TMEM220: variants seen among roughly 807,000 people sequenced by gnomAD.
TMEM220 encodes transmembrane protein 220.
TMEM220 carries 21 observed loss-of-function variants against 21.7 expected under a neutral mutation model. The observed-to-expected ratio is 0.97, with a 90% confidence interval of 0.69 to 1.39. The LOEUF is 1.39. Ranked by LOEUF, TMEM220 falls within the 40% of genes most tolerant of loss-of-function variation. The pLI, the probability that TMEM220 is intolerant of heterozygous loss-of-function variation, is 0.00. For missense variants in TMEM220, 191 were observed against 201.9 expected, an observed-to-expected ratio of 0.95 and a Z score of 0.33; for synonymous variants, 80 against 73.6, an observed-to-expected ratio of 1.09 and a Z score of -0.45.
chr17:10,717,388 T>A (rs571981604), intron 5 of TMEM220, among the ~76,000 whole-genome samples: 1 of 152,372 alleles, frequency 6.6e-6, no homozygotes, highest in South Asian at 2.1e-4. Context: ...AAATGGATGC[T>A]GAATTTTATG....
chr17:10,725,923 T>C (rs1351453166), intron 3 of TMEM220, among the ~76,000 whole-genome samples: 1 of 152,172 alleles, frequency 6.6e-6, no homozygotes, highest in African/African-American at 2.4e-5. Context: ...CTAAGGCCCC[T>C]GAGAACATTC....
intron 4 of TMEM220, among the ~76,000 whole-genome samples, chr17:10,724,077 C>T (rs918552982): frequency 6.6e-6 from 1 of 152,104 alleles, no homozygotes; most frequent in African/African-American, 2.4e-5. Context: ...CAAAGAAACA[C>T]CTTTTCAGTG....
At chr17:10,723,407 C>T in intron 4 of TMEM220, 78 bp from the exon 5 acceptor site, 1 of 1,010,632 alleles carries the variant, frequency 9.9e-7, no homozygotes, top group Non-Finnish European at 1.6e-6. Context: ...TCCATGACCA[C>T]CTGATAGCGC....
In TMEM220 at chr17:10,729,995, G is replaced by C; in HGVS notation, c.-144C>G. 9.3e-7 allele frequency: 1 copy of C among 1,079,728 alleles called. No individual in the cohort carries two copies. Among genetic ancestry groups the C allele is most frequent in the Non-Finnish European group, 1.1e-6 (1 of 919,470 alleles). The allele number at this position is 1,079,728 out of a possible 1,614,324, so 66.9% of individuals were successfully genotyped here. On this transcript the variant is annotated 5_prime_UTR_variant, in exon 1 of 6. Coordinates refer to ENST00000341871, the MANE Select transcript of TMEM220 (RefSeq NM_001004313.3). Reference sequence around the variant, plus strand: ...GTGCCTTGGGGACACTGCCGTGGCCGTCGCTCCGCCCGGGGGCGGGGAGCG... The same window carrying C: ...GTGCCTTGGGGACACTGCCGTGGCCCTCGCTCCGCCCGGGGGCGGGGAGCG...
intron 5 of TMEM220, 108 bp downstream of exon 5, chr17:10,723,162 G>A: frequency 1.1e-6 from 1 of 939,104 alleles, no homozygotes; most frequent in Non-Finnish European, 1.7e-6. Flanking sequence ...CTGTATTTTA[G>A]TAGAGACAGG....
chr17:10,724,992 G>A lies in TMEM220; in HGVS notation c.287+19C>T. 1 of 1,613,914 alleles carries A rather than the reference G, an allele frequency of 6.2e-7. No homozygotes were observed. The highest frequency in any genetic ancestry group is 8.5e-7 in the Non-Finnish European group (1 of 1,179,920). On this transcript the variant is annotated intron_variant, in intron 4 of 5. Coordinates refer to ENST00000341871, the MANE Select transcript of TMEM220 (RefSeq NM_001004313.3). Reference sequence around the variant, plus strand: ...ATCCCACAGTTCTATCCCTCCACAGGGTAACCGTCACCGCTCACCTGCCTT... The same window carrying A: ...ATCCCACAGTTCTATCCCTCCACAGAGTAACCGTCACCGCTCACCTGCCTT...
At chr17:10,722,601 C>A (rs2075005653) in intron 5 of TMEM220, among the ~76,000 whole-genome samples, 1 of 152,166 alleles carries the variant, frequency 6.6e-6, no homozygotes, top group African/African-American at 2.4e-5. Context: ...GCTTAAACTC[C>A]ATTTACTCTT....
At chr17:10,718,955 CT>C (rs1299751513) in intron 5 of TMEM220, among the ~76,000 whole-genome samples, 2 of 152,060 alleles carry the variant, frequency 1.3e-5, no homozygotes, top group East Asian at 1.9e-4. Context: ...TGTTATTTTT[CT>C]TTTTTGTGTT....
intron 2 of TMEM220, among the ~76,000 whole-genome samples, chr17:10,727,992 C>T (rs1200582499): frequency 1.3e-5 from 2 of 152,050 alleles, no homozygotes; most frequent in Non-Finnish European, 2.9e-5. Context: ...GAAACCCTGT[C>T]TCTACTAAAA....
intron 5 of TMEM220, among the ~76,000 whole-genome samples, chr17:10,721,604 CAAAA>C (rs1194075248): frequency 2.8e-5 from 1 of 35,834 alleles, no homozygotes; most frequent in African/African-American, 1.4e-4. Flanking sequence ...GACTCTGTCT[CAAAA>C]AAAAAAAAAA....
At position 10,716,048 on chromosome 17, in the gene TMEM220, C is replaced by G. The variant is rs557931957; in HGVS notation, c.348-460G>C. 2.8e-4 allele frequency: 175 copies of G among 633,804 alleles called. No homozygotes were observed. In the East Asian group the frequency reaches 4.7e-3, roughly 17 times the overall value. 39.3% of individuals were successfully genotyped at this position (633,804 alleles called of 1,614,324 possible). On this transcript the variant is annotated intron_variant, in intron 5 of 5. Coordinates refer to ENST00000341871, the MANE Select transcript of TMEM220 (RefSeq NM_001004313.3). ...GGTAATTAAAAACTACTCCCACCCC[C>G]CCATGTCCACATCAATATTCAGTTT...
chr17:10,721,724 T>A (rs539736472), intron 5 of TMEM220, among the ~76,000 whole-genome samples: 1 of 152,022 alleles, frequency 6.6e-6, no homozygotes, highest in East Asian at 1.9e-4. Context: ...AACTGGGTGA[T>A]GAGTATATCT....
In TMEM220 at chr17:10,715,290, C is replaced by G. The variant is rs1273879709; in HGVS notation, c.*163G>C. ...AAATATCAGACCATCTCTTACTTGT[C>G]CCATCCAATCTTACATCGAATTATA... On this transcript the variant is annotated 3_prime_UTR_variant, in exon 6 of 6. Coordinates refer to ENST00000341871, the MANE Select transcript of TMEM220 (RefSeq NM_001004313.3). 7.0e-6 allele frequency: 4 copies of G among 571,194 alleles called. No homozygotes were observed. Among genetic ancestry groups the G allele is most frequent in the Non-Finnish European group, 1.2e-5 (4 of 338,434 alleles). The allele number at this position is 571,194 out of a possible 1,614,324, so 35.4% of individuals were successfully genotyped here. A position where few individuals can be genotyped will look rare whatever the true frequency, so the allele number is the denominator to read the frequency against.
At chr17:10,722,901 T>A (rs1483219372) in intron 5 of TMEM220, among the ~76,000 whole-genome samples, 1 of 152,174 alleles carries the variant, frequency 6.6e-6, no homozygotes, top group East Asian at 1.9e-4. Flanking sequence ...AAGGGAAGAT[T>A]TCTTTCAAAA....
intron 4 of TMEM220, among the ~76,000 whole-genome samples, chr17:10,724,664 A>T (rs1179983823): frequency 6.6e-6 from 1 of 151,918 alleles, no homozygotes; most frequent in African/African-American, 2.4e-5. Context: ...ACTGAATTTG[A>T]GGCTGACAGA....
At chr17:10,729,706 A>AG in intron 1 of TMEM220, 74 bp downstream of exon 1, 1 of 1,248,684 alleles carries the variant, frequency 8.0e-7, no homozygotes, top group Non-Finnish European at 1.0e-6. Flanking sequence ...CCCGCTAGTC[A>AG]GTTACACGGC....
In TMEM220 at chr17:10,729,947, C is replaced by T; in HGVS notation, c.-96G>A. On this transcript the variant is annotated 5_prime_UTR_variant, in exon 1 of 6. Transcript: ENST00000341871. ...CCGCCTTCCTCCTTGCGCGGAGGGACCGAGACCCCCGCCTCGGTTTCGGTG... is the reference window on the plus strand; with the variant it reads ...CCGCCTTCCTCCTTGCGCGGAGGGATCGAGACCCCCGCCTCGGTTTCGGTG... 8.1e-7 allele frequency: 1 copy of T among 1,234,224 alleles called. No individual in the cohort carries two copies. The highest frequency in any genetic ancestry group is 4.2e-5 in the Admixed American group (1 of 23,658). 76.5% of individuals were successfully genotyped at this position (1,234,224 alleles called of 1,614,324 possible). A position where few individuals can be genotyped will look rare whatever the true frequency, so the allele number is the denominator to read the frequency against.
At chr17:10,723,064 T>A (rs1397960980) in intron 5 of TMEM220, among the ~76,000 whole-genome samples, 1 of 149,292 alleles carries the variant, frequency 6.7e-6, no homozygotes, top group East Asian at 2.0e-4. Flanking sequence ...CACTGCAACC[T>A]CTGTCTCCCG....
At chr17:10,726,065 A>G in intron 3 of TMEM220, 139 bp downstream of exon 3, 1 of 666,714 alleles carries the variant, frequency 1.5e-6, no homozygotes, top group Non-Finnish European at 2.7e-6. Context: ...GATGATTAGA[A>G]TTAGCCCCTT....
Sources: gnomAD v4.1 joint callset for allele counts (sites outside exome capture counted in the v4.1 genomes callset) on GRCh38, gnomAD v4.1.1 for gene constraint, MANE v1.5 for transcripts, NCBI Gene and HGNC (gene_info 2026-07-23, HGNC 2026-07-21) for gene names.